Variants in AP2A2 observed in about 807,000 individuals in gnomAD.
AP2A2 encodes AP-2 complex subunit alpha-2.
AP2A2 carries 32 observed loss-of-function variants against 104.2 expected under a neutral mutation model. The ratio of observed to expected loss-of-function variants is 0.31; its 90% CI spans 0.23 to 0.41. The LOEUF is 0.41. AP2A2 is among the 10% of genes least tolerant of loss of function. The probability of loss-of-function intolerance (pLI) is 1.00; values close to 1 mark genes in which losing one functional copy is unlikely to be tolerated. For missense variants in AP2A2, 912 were observed against 1,261.0 expected (o/e 0.72, Z 4.19); for synonymous variants, 539 against 533.3 (o/e 1.01, Z -0.15).
chr11:942,395 G>T (rs1431290223), intron 1 of AP2A2: 2 of 152,226 alleles, frequency 1.3e-5, no homozygotes, highest in Non-Finnish European at 2.9e-5. Flanking sequence ...GAACGGTGTG[G>T]TATGTACTTT....
intron 8 of AP2A2, among the ~76,000 whole-genome samples, chr11:986,272 C>G (rs766189982): frequency 2.0e-5 from 3 of 152,268 alleles, no homozygotes; most frequent in Non-Finnish European, 2.9e-5. Context: ...GATGAAAACT[C>G]AGTCTGAGAG....
intron 1 of AP2A2, among the ~76,000 whole-genome samples, chr11:941,409 C>T (rs1853638692): frequency 6.6e-6 from 1 of 152,130 alleles, no homozygotes; most frequent in South Asian, 2.1e-4. Context: ...TTATCACTGC[C>T]TGAGAGAAGG....
At chr11:977,035 C>T (rs1287847816) in intron 4 of AP2A2, 60 bp from the exon 5 acceptor site, 1 of 1,604,342 alleles carries the variant, frequency 6.2e-7, no homozygotes, top group Non-Finnish European at 8.5e-7. Flanking sequence ...GGGGGGTGCT[C>T]CGTGCAGCTC....
intron 16 of AP2A2, among the ~76,000 whole-genome samples, chr11:1,005,353 GGT>G (rs1483500170): frequency 2.6e-5 from 4 of 152,228 alleles, no homozygotes; most frequent in Non-Finnish European, 5.9e-5. Context: ...ATGGGGAATT[GGT>G]GTTTAATGGG....
rs1589995093 is a variant in AP2A2, at chr11:985,589, C to A, written c.962+7C>A. 1 of 1,613,826 alleles carries A rather than the reference C, an allele frequency of 6.2e-7. No individual in the cohort carries two copies. Among genetic ancestry groups the A allele is most frequent in the Non-Finnish European group, 8.5e-7 (1 of 1,179,862 alleles). ...TAATCATTCACCATGACAGGTGTGTCGGCTGCCTGTGGAGAGGCTTCGTCT... is the reference window on the plus strand; with the variant it reads ...TAATCATTCACCATGACAGGTGTGTAGGCTGCCTGTGGAGAGGCTTCGTCT... On this transcript the variant is annotated splice_region_variant and intron_variant, in intron 8 of 21. Transcript: ENST00000448903.
rs1854731370 is a variant in AP2A2, at chr11:969,218, CCCTTT to C, written c.137-950_137-946del. Among the ~76,000 whole-genome samples, 12 of 74,670 alleles carry C rather than the reference CCCTTT, an allele frequency of 1.6e-4. 1 individual carries two copies. Among genetic ancestry groups the C allele is most frequent in the Non-Finnish European group, 3.1e-4 (10 of 32,610 alleles). The allele number at this position is 74,670 out of a possible 152,430, so 49.0% of individuals were successfully genotyped here. A position where few individuals can be genotyped will look rare whatever the true frequency, so the allele number is the denominator to read the frequency against. ...AGAAACTCCTGGCAATGTAGAACAG[CCCTTT>C]TTTTTTTTTTTTTTTTTTTTTTTTG... On this transcript the variant is annotated intron_variant, in intron 2 of 21. Transcript: ENST00000448903.
intron 1 of AP2A2, among the ~76,000 whole-genome samples, chr11:934,491 A>G (rs911568088): frequency 6.6e-6 from 1 of 152,070 alleles, no homozygotes; most frequent in Admixed American, 6.6e-5. Flanking sequence ...CCTGAAATTC[A>G]GACTCCGAGT....
chr11:1,004,232 GGAGGCC>G (rs1856124448), intron 16 of AP2A2, among the ~76,000 whole-genome samples: 1 of 152,202 alleles, frequency 6.6e-6, no homozygotes, highest in Admixed American at 6.5e-5. Context: ...CAGCATGTTG[GGAGGCC>G]GAGGCAGGCA....
At chr11:966,555 G>C (rs911179164) in intron 2 of AP2A2, among the ~76,000 whole-genome samples, 1 of 152,194 alleles carries the variant, frequency 6.6e-6, no homozygotes, top group African/African-American at 2.4e-5. Flanking sequence ...ATTTTACCGT[G>C]AGTTTGCTTG....
chr11:994,619 C>T (rs1490683790), intron 14 of AP2A2, among the ~76,000 whole-genome samples: 1 of 144,690 alleles, frequency 6.9e-6, no homozygotes, highest in Non-Finnish European at 1.5e-5. Flanking sequence ...CCCTGCTGCA[C>T]ACCCTGCTGG....
intron 4 of AP2A2, among the ~76,000 whole-genome samples, chr11:973,044 C>T (rs532371762): frequency 6.6e-6 from 1 of 152,366 alleles, no homozygotes; most frequent in South Asian, 2.1e-4. Context: ...GGGCCCCCAC[C>T]TGTGTGTTCC....
chr11:954,343 C>T (rs992182293), intron 1 of AP2A2, among the ~76,000 whole-genome samples: 2 of 152,040 alleles, frequency 1.3e-5, no homozygotes, highest in African/African-American at 4.8e-5. Flanking sequence ...CTGGCCTGCC[C>T]TCGTTTTAAA....
At chr11:999,339 C>G (rs2040258422) in intron 14 of AP2A2, among the ~76,000 whole-genome samples, 1 of 152,156 alleles carries the variant, frequency 6.6e-6, no homozygotes, top group South Asian at 2.1e-4. Context: ...TGGTGAAACC[C>G]TGTCTCCACT....
intron 18 of AP2A2, 67 bp downstream of exon 18, chr11:1,008,202 A>G (rs2133791341): frequency 5.3e-6 from 8 of 1,508,348 alleles, no homozygotes; most frequent in South Asian, 1.3e-5. Context: ...CCTGGGCTCC[A>G]TGACTGTGCC....
intron 1 of AP2A2, among the ~76,000 whole-genome samples, chr11:940,016 C>T (rs1428847501): frequency 8.1e-5 from 11 of 135,608 alleles, no homozygotes; most frequent in African/African-American, 2.0e-4. Flanking sequence ...AGTGCAGTGG[C>T]GCGATCTCGG....
Position 926,027 on chromosome 11 carries a change from G to A in AP2A2, c.6G>A (p.Pro2=). Residue 2 remains proline (P), a synonymous_variant, in exon 1 of 22, where the codon CCG becomes CCA. Coordinates refer to ENST00000448903, the MANE Select transcript of AP2A2 (RefSeq NM_012305.4). The stretch of plus-strand genomic sequence containing the variant: ...CCGCTCCCGAGCGTCGGAAGATGCC[G>A]GCCGTGTCCAAGGGGGACGGGATGC... M[P]AVSKGDGMRG... is the part of the protein sequence containing the mutation. 3 of 1,410,520 alleles carry A rather than the reference G, an allele frequency of 2.1e-6. No individual in the cohort carries two copies. Among genetic ancestry groups the A allele is most frequent in the South Asian group, 1.5e-5 (1 of 66,668 alleles). The allele number at this position is 1,410,520 out of a possible 1,614,324, so 87.4% of individuals were successfully genotyped here.
At chr11:1,000,217 A>G (rs116520278) in intron 14 of AP2A2, among the ~76,000 whole-genome samples, 4,594 of 152,244 alleles carry the variant, frequency 0.03, 231 homozygotes, top group African/African-American at 0.1. Context: ...TTTTAAGTGC[A>G]GTTATCTTTA....
chr11:1,006,589 A>G lies in AP2A2; in HGVS notation c.2268A>G (p.Thr756=). The change falls in exon 17 of 22, where the codon ACA becomes ACG. Residue 756 remains threonine, a synonymous_variant. Transcript: ENST00000448903. The stretch of plus-strand genomic sequence containing the variant: ...CGCAGTTCCTAAACTTTACCCCAAC[A>G]CTAATCTGTTCAGACGACCTTCAGC... ...TSTQFLNFTP[T]LICSDDLQPN... is the part of the protein sequence containing the mutation. 1 of 1,613,732 alleles carries G rather than the reference A, an allele frequency of 6.2e-7. No homozygotes were observed. Among genetic ancestry groups the G allele is most frequent in the Middle Eastern group, 1.6e-4 (1 of 6,062 alleles).
chr11:936,198 C>T (rs961275340), intron 1 of AP2A2, among the ~76,000 whole-genome samples: 10 of 145,666 alleles, frequency 6.9e-5, no homozygotes, highest in Admixed American at 4.8e-4. Flanking sequence ...TGAACCACTG[C>T]GCCTGGCCTT....
Sources: gnomAD v4.1 joint callset for allele counts (sites outside exome capture counted in the v4.1 genomes callset) on GRCh38, gnomAD v4.1.1 for gene constraint, MANE v1.5 for transcripts, NCBI Gene and HGNC (gene_info 2026-07-23, HGNC 2026-07-21) for gene names.